PEBP4: variants seen among roughly 807,000 people sequenced by gnomAD.
PEBP4 encodes phosphatidylethanolamine binding protein 4.
In PEBP4, 22 loss-of-function variants were observed where a neutral mutation model predicts 23.9. The ratio of observed to expected loss-of-function variants is 0.92; its 90% CI spans 0.66 to 1.31. The LOEUF is 1.31. Ranked by LOEUF, PEBP4 falls within the 40% of genes most tolerant of loss-of-function variation. The probability of loss-of-function intolerance (pLI) is 0.00; values close to 1 mark genes in which losing one functional copy is unlikely to be tolerated. For missense variants in PEBP4, 324 were observed against 281.7 expected (o/e 1.15, Z -1.07); for synonymous variants, 112 against 99.3 (o/e 1.13, Z -0.76).
intron 3 of PEBP4, among the ~76,000 whole-genome samples, chr8:22,823,790 C>T (rs1345393346): frequency 6.6e-6 from 1 of 151,734 alleles, no homozygotes; most frequent in Non-Finnish European, 1.5e-5. Flanking sequence ...CTCTTTAAAT[C>T]CATAAAAAAA....
At chr8:22,904,058 A>G (rs536737032) in intron 3 of PEBP4, among the ~76,000 whole-genome samples, 1 of 152,306 alleles carries the variant, frequency 6.6e-6, no homozygotes, top group East Asian at 1.9e-4. Context: ...TGCCACTGTG[A>G]CTGAGACCCT....
chr8:22,729,453 G>T (rs1011973173), intron 4 of PEBP4, among the ~76,000 whole-genome samples: 2 of 152,274 alleles, frequency 1.3e-5, no homozygotes, highest in South Asian at 4.1e-4. Flanking sequence ...GAGCAGGCAA[G>T]GGTGGGGGCC....
At chr8:22,765,805 A>T (rs112785210) in intron 4 of PEBP4, among the ~76,000 whole-genome samples, 1 of 126,302 alleles carries the variant, frequency 7.9e-6, no homozygotes, top group Non-Finnish European at 1.7e-5. Flanking sequence ...GTGGATCACC[A>T]CCATTCATGG....
intron 3 of PEBP4, among the ~76,000 whole-genome samples, chr8:22,855,855 A>T (rs4872034): frequency 0.38 from 57,230 of 151,746 alleles, 11,500 homozygotes; most frequent in African/African-American, 0.52. Context: ...AGCCTAGACA[A>T]CAAAGTGAGA....
intron 4 of PEBP4, among the ~76,000 whole-genome samples, chr8:22,773,175 T>C (rs189572823): frequency 2.0e-5 from 3 of 152,318 alleles, no homozygotes; most frequent in East Asian, 1.9e-4. Flanking sequence ...TTAGCACTAA[T>C]TGGTTTTCCT....
chr8:22,758,053 A>G (rs1585257276), intron 4 of PEBP4: 1 of 152,310 alleles, frequency 6.6e-6, no homozygotes. Context: ...TCCATTTTTC[A>G]TTCAAAAAAT....
chr8:22,873,933 C>T (rs1184064389), intron 3 of PEBP4, among the ~76,000 whole-genome samples: 1 of 152,160 alleles, frequency 6.6e-6, no homozygotes, highest in African/African-American at 2.4e-5. Context: ...GTTTCTCTAG[C>T]TTCCCTCAGC....
chr8:22,878,884 T>A (rs558685223), intron 3 of PEBP4, among the ~76,000 whole-genome samples: 1 of 152,186 alleles, frequency 6.6e-6, no homozygotes, highest in African/African-American at 2.4e-5. Context: ...GAAGAGGGCA[T>A]CCAGAATGAT....
chr8:22,752,050 C>T (rs747547294), intron 4 of PEBP4, among the ~76,000 whole-genome samples: 2 of 152,186 alleles, frequency 1.3e-5, no homozygotes, highest in Non-Finnish European at 2.9e-5. Flanking sequence ...GCACACACCA[C>T]CATGCCTGGC....
At chr8:22,866,524 T>G (rs556231078) in intron 3 of PEBP4, among the ~76,000 whole-genome samples, 36 of 152,244 alleles carry the variant, frequency 2.4e-4, no homozygotes, top group African/African-American at 8.2e-4. Flanking sequence ...GTCTCAATAT[T>G]GTAGTGGTGC....
intron 4 of PEBP4, among the ~76,000 whole-genome samples, chr8:22,741,029 G>A (rs1477185610): frequency 1.3e-5 from 2 of 152,172 alleles, no homozygotes; most frequent in Non-Finnish European, 2.9e-5. Context: ...TCAGGGACTG[G>A]GAAGAGACAG....
At chr8:22,914,685 G>A (rs925115262) in intron 3 of PEBP4, among the ~76,000 whole-genome samples, 7 of 152,014 alleles carry the variant, frequency 4.6e-5, no homozygotes, top group African/African-American at 1.7e-4. Flanking sequence ...CACTGAGGAT[G>A]CAGACCCAGG....
In PEBP4 at chr8:22,783,790, G is replaced by T. The variant is rs1315420094; in HGVS notation, c.357+33847C>A. 2.0e-5 allele frequency among the ~76,000 whole-genome samples: 3 copies of T among 152,184 alleles called. No homozygotes were observed. The East Asian group carries it at 5.8e-4, about 29-fold the overall frequency. ...TGGGACCGCAGACATATGCCACCATGCCCAGCTAATGTTTTGTATTTTTGG... is the reference window on the plus strand; with the variant it reads ...TGGGACCGCAGACATATGCCACCATTCCCAGCTAATGTTTTGTATTTTTGG... On this transcript the variant is annotated intron_variant, in intron 4 of 6. Transcript: ENST00000256404.
intron 4 of PEBP4, among the ~76,000 whole-genome samples, chr8:22,793,794 T>C (rs1386037868): frequency 6.6e-6 from 1 of 152,192 alleles, no homozygotes; most frequent in African/African-American, 2.4e-5. Context: ...TATATAAATT[T>C]AGTGTACATT....
chr8:22,920,014 C>T (rs780726752), intron 3 of PEBP4, among the ~76,000 whole-genome samples, 170 bp downstream of exon 3: 9 of 152,144 alleles, frequency 5.9e-5, no homozygotes, highest in Non-Finnish European at 1.3e-4. Context: ...CAGCCTTCTC[C>T]TCAAGTCCAC....
chr8:22,896,707 G>A (rs747757111), intron 3 of PEBP4, among the ~76,000 whole-genome samples: 4 of 152,138 alleles, frequency 2.6e-5, no homozygotes, highest in Non-Finnish European at 4.4e-5. Flanking sequence ...TTACACAGAG[G>A]TTGCAAGGTG....
chr8:22,923,859 G>A (rs373634261), intron 2 of PEBP4, among the ~76,000 whole-genome samples: 14 of 152,088 alleles, frequency 9.2e-5, no homozygotes, highest in African/African-American at 2.4e-4. Context: ...ACCTTGTACC[G>A]CACACTGAAT....
chr8:22,818,660 A>T (rs576271855), intron 3 of PEBP4, among the ~76,000 whole-genome samples: 38 of 152,230 alleles, frequency 2.5e-4, no homozygotes, highest in African/African-American at 9.2e-4. Flanking sequence ...ATGCTTTTAG[A>T]GGATTCTTTT....
chr8:22,733,037 G>T (rs1563197793), intron 4 of PEBP4, among the ~76,000 whole-genome samples: 2 of 152,180 alleles, frequency 1.3e-5, no homozygotes, highest in Non-Finnish European at 1.5e-5. Context: ...GAAGCCAGGG[G>T]TCTATCCCCA....
Sources: allele counts gnomAD v4.1 joint callset (sites outside exome capture counted in the v4.1 genomes callset), GRCh38; gene constraint gnomAD v4.1.1; transcripts MANE v1.5; gene names NCBI Gene and HGNC (gene_info 2026-07-23, HGNC 2026-07-21).